ITGAX: variants seen among roughly 807,000 people sequenced by gnomAD.
ITGAX encodes integrin subunit alpha X.
In ITGAX, 99 loss-of-function variants were observed where a neutral mutation model predicts 140.2. The ratio of observed to expected loss-of-function variants is 0.71; its 90% CI spans 0.60 to 0.83. The LOEUF is 0.83. ITGAX is among the 40% of genes least tolerant of loss of function. ITGAX has a pLI of 0.00. For missense variants in ITGAX, 1,444 were observed against 1,482.0 expected (o/e 0.97, Z 0.42); for synonymous variants, 631 against 600.4 (o/e 1.05, Z -0.75).
At chr16:31,361,452 G>A (rs758151587) in intron 9 of ITGAX, 335 of 669,098 alleles carry the variant, frequency 5.0e-4, no homozygotes, top group Admixed American at 1.9e-3. Flanking sequence ...CACCACCACC[G>A]GCTCCACTGC....
At position 31,362,950 on chromosome 16, in the gene ITGAX, G is replaced by A. The variant is rs773888623; in HGVS notation, c.1375G>A (p.Gly459Arg). ...VTGTQIGSYF[G>R]ASLCSVDVDS... ...TGCCCTTCAGATCGGCTCCTACTTC[G>A]GGGCCTCCCTCTGCTCCGTGGACGT... Residue 459 changes from glycine to arginine, a missense_variant, in exon 13 of 30, where the codon GGG becomes AGG. Coordinates refer to ENST00000268296, the MANE Select transcript of ITGAX (RefSeq NM_000887.5). The A allele has an allele frequency of 1.2e-5, 20 of 1,611,612 alleles. No individual in the cohort carries two copies. Among genetic ancestry groups the A allele is most frequent in the Admixed American group, 5.0e-5 (3 of 59,920 alleles).
At chr16:31,362,588 G>A in intron 11 of ITGAX, 23 bp from the exon 12 acceptor site, 2 of 1,603,830 alleles carry the variant, frequency 1.2e-6, no homozygotes, top group Middle Eastern at 2.2e-4. Flanking sequence ...GGGGGCCTTT[G>A]TGCTGAGGCC....
At chr16:31,377,337 T>G in intron 23 of ITGAX, 72 bp downstream of exon 23, 2 of 1,125,132 alleles carry the variant, frequency 1.8e-6, no homozygotes, top group Non-Finnish European at 2.6e-6. Context: ...AAAAAAGGCC[T>G]TGAAACGCTG....
chr16:31,363,013 G>A lies in ITGAX; in HGVS notation c.1438G>A (p.Ala480Thr). Residue 480 changes from alanine to threonine, a missense_variant, in exon 13 of 30, where the codon GCC becomes ACC. Physicochemically the swap from Ala to Thr is moderately conservative, Grantham distance 58. Coordinates refer to ENST00000268296, the MANE Select transcript of ITGAX (RefSeq NM_000887.5). Reference protein sequence around the residue: ...DGSTDLVLIGAPHYYEQTRGG... With the variant: ...DGSTDLVLIGTPHYYEQTRGG... ...CAGCACCGACCTGGTCCTCATCGGG[G>A]CCCCCCATTACTACGAGCAGACCCG... 2.0e-6 allele frequency: 3 copies of A among 1,527,158 alleles called. No individual in the cohort carries two copies. Among genetic ancestry groups the A allele is most frequent in the Non-Finnish European group, 2.7e-6 (3 of 1,129,008 alleles). 94.6% of individuals were successfully genotyped at this position (1,527,158 alleles called of 1,614,324 possible).
intron 1 of ITGAX, among the ~76,000 whole-genome samples, chr16:31,355,534 A>G (rs1270279908): frequency 6.6e-6 from 1 of 152,248 alleles, no homozygotes; most frequent in Non-Finnish European, 1.5e-5. Context: ...TCTGTACTGC[A>G]GAGATTTTTA....
chr16:31,360,327 C>T lies in ITGAX; in HGVS notation c.725C>T (p.Ala242Val), dbSNP rs2142487206. Reference protein sequence around the residue: ...IQNVVHRLFHASYGARRDAAK... With the variant: ...IQNVVHRLFHVSYGARRDAAK... ...CCTGATAGGCACCGATTGTTCCATG[C>T]CTCATATGGGGCCCGTAGGGATGCC... Residue 242 changes from alanine (A) to valine (V), a missense_variant, in exon 8 of 30, where the codon GCC becomes GTC. Transcript: ENST00000268296. 1 of 1,610,824 alleles carries T rather than the reference C, an allele frequency of 6.2e-7. No homozygotes were observed. Among genetic ancestry groups the T allele is most frequent in the Non-Finnish European group, 8.5e-7 (1 of 1,177,718 alleles).
At chr16:31,365,821 G>A (rs1451677926) in intron 14 of ITGAX, among the ~76,000 whole-genome samples, 1 of 152,248 alleles carries the variant, frequency 6.6e-6, no homozygotes, top group South Asian at 2.1e-4. Flanking sequence ...TACTTGGGAG[G>A]CTGAGGCAGG....
chr16:31,359,962 A>T lies in ITGAX; in HGVS notation c.604A>T (p.Thr202Ser), dbSNP rs1251490773. Residue 202 changes from threonine to serine, a missense_variant, in exon 7 of 30, where the codon ACT becomes TCT. Thr to Ser is a moderately conservative substitution (Grantham distance 58). Coordinates refer to ENST00000268296, the MANE Select transcript of ITGAX (RefSeq NM_000887.5). ...QFSNKFQTHF[T>S]FEEFRRSSNP... The stretch of plus-strand genomic sequence containing the variant: ...CTCCAACAAATTCCAAACACACTTC[A>T]CTTTCGAGGAATTCAGGCGCAGCTC... The T allele has an allele frequency of 3.7e-6, 6 of 1,613,870 alleles. No individual in the cohort carries two copies. The highest frequency in any genetic ancestry group is 5.1e-6 in the Non-Finnish European group (6 of 1,180,004).
At chr16:31,361,644 C>T (rs1004854520) in intron 9 of ITGAX, 192 bp from the exon 10 acceptor site, 6 of 747,102 alleles carry the variant, frequency 8.0e-6, no homozygotes, top group East Asian at 2.5e-5. Flanking sequence ...GTGCTGCCAT[C>T]GCTGTCCACA....
At position 31,357,369 on chromosome 16, in the gene ITGAX, G is replaced by A. The variant is rs754161938; in HGVS notation, c.430+5G>A. 2 of 1,582,856 alleles carry A rather than the reference G, an allele frequency of 1.3e-6. No homozygotes were observed. Among genetic ancestry groups the A allele is most frequent in the Non-Finnish European group, 1.7e-6 (2 of 1,162,108 alleles). ...GGCTCCCGGTGTCCAGGCAGGGTGA[G>A]TGTCGGGACCACCAAGGCTTTGAGG... is the stretch of plus-strand genomic sequence containing the variant. On this transcript the variant is annotated splice_donor_5th_base_variant and intron_variant, in intron 5 of 29. Transcript: ENST00000268296.
intron 5 of ITGAX, among the ~76,000 whole-genome samples, chr16:31,359,040 G>T (rs917572306): frequency 2.0e-5 from 3 of 151,928 alleles, no homozygotes; most frequent in East Asian, 1.9e-4. Flanking sequence ...GGCTGATCTT[G>T]AAATCCTGGG....
In ITGAX at chr16:31,357,304, G is replaced by C; in HGVS notation, c.370G>C (p.Gly124Arg). The C allele has an allele frequency of 1.9e-6, 3 of 1,608,878 alleles. No homozygotes were observed. The East Asian group carries it at 6.7e-5, about 36-fold the overall frequency. Residue 124 changes from glycine to arginine, a missense_variant, in exon 5 of 30, where the codon GGA becomes CGA. Physicochemically the swap from Gly to Arg is moderately radical, Grantham distance 125. Coordinates refer to ENST00000268296, the MANE Select transcript of ITGAX (RefSeq NM_000887.5). ...GTGCGGGAGGAACATGTACCTCACC[G>C]GACTCTGCTTCCTCCTGGGCCCCAC... ...HECGRNMYLT[G>R]LCFLLGPTQL... is the part of the protein sequence containing the mutation.
chr16:31,369,064 C>A (rs925874546), intron 14 of ITGAX, among the ~76,000 whole-genome samples: 8 of 152,232 alleles, frequency 5.3e-5, no homozygotes, highest in African/African-American at 1.7e-4. Flanking sequence ...ACCTTTCCCC[C>A]CTTTCGATTC....
In ITGAX at chr16:31,379,943, G is replaced by A. The variant is rs954485957; in HGVS notation, c.2977-39G>A. On this transcript the variant is annotated intron_variant, in intron 25 of 29. Coordinates refer to ENST00000268296, the MANE Select transcript of ITGAX (RefSeq NM_000887.5). Reference sequence around the variant, plus strand: ...CTTGTGCCCCATGTGGGTCCCTGATGTCCCAGCTGAGACACTTGTTCTCTG... The same window carrying A: ...CTTGTGCCCCATGTGGGTCCCTGATATCCCAGCTGAGACACTTGTTCTCTG... 8 of 1,610,302 alleles carry A rather than the reference G, an allele frequency of 5.0e-6. No homozygotes were observed. The African/African-American group carries it at 6.7e-5, about 13-fold the overall frequency.
chr16:31,382,646 C>A lies in ITGAX; in HGVS notation c.*739C>A, dbSNP rs2081080276. 1.6e-6 allele frequency: 1 copy of A among 632,242 alleles called. No homozygotes were observed. Among genetic ancestry groups the A allele is most frequent in the South Asian group, 1.7e-5 (1 of 59,106 alleles). The allele number at this position is 632,242 out of a possible 1,614,324, so 39.2% of individuals were successfully genotyped here. A position where few individuals can be genotyped will look rare whatever the true frequency, so the allele number is the denominator to read the frequency against. ...GCTCAGGGCTTCATCGTGGGGCTCT[C>A]AGTTCCGATTTCCCAGGCTGAATTG... On this transcript the variant is annotated 3_prime_UTR_variant, in exon 30 of 30. Transcript: ENST00000268296.
chr16:31,356,292 T>TC, intron 2 of ITGAX: 1 of 429,666 alleles, frequency 2.3e-6, no homozygotes, highest in Non-Finnish European at 4.2e-6. Flanking sequence ...TTTCTTTTTT[T>TC]CTATACATTT....
chr16:31,363,493 C>T (rs941607862), intron 14 of ITGAX, 119 bp downstream of exon 14: 11 of 1,156,246 alleles, frequency 9.5e-6, no homozygotes, highest in African/African-American at 4.6e-5. Context: ...GCTCTGAGCA[C>T]CTTGTAGCAG....
In ITGAX at chr16:31,372,612, A is replaced by G; in HGVS notation, c.2308A>G (p.Asn770Asp). The G allele has an allele frequency of 6.2e-7, 1 of 1,614,116 alleles. No individual in the cohort carries two copies. The highest frequency in any genetic ancestry group is 8.5e-7 in the Non-Finnish European group (1 of 1,179,992). Residue 770 changes from asparagine to aspartate, a missense_variant, in exon 19 of 30, where the codon AAC becomes GAC. By Grantham distance (23) the Asn-to-Asp change is conservative (BLOSUM62 1). Transcript: ENST00000268296. ...TCCCACGCAGCTACCCTTTGAGAAGAACTGTGGAGCCGACCATATCTGCCA... is the reference window on the plus strand; with the variant it reads ...TCCCACGCAGCTACCCTTTGAGAAGGACTGTGGAGCCGACCATATCTGCCA... ...YFTASLPFEK[N>D]CGADHICQDN... is the part of the protein sequence containing the mutation.
chr16:31,369,084 G>A (rs1022916917), intron 14 of ITGAX, among the ~76,000 whole-genome samples: 6 of 151,938 alleles, frequency 3.9e-5, no homozygotes, highest in African/African-American at 1.5e-4. Context: ...CCACAAAACC[G>A]CCATTGTCAT....
Sources: allele counts gnomAD v4.1 joint callset (sites outside exome capture counted in the v4.1 genomes callset), GRCh38; gene constraint gnomAD v4.1.1; transcripts MANE v1.5; gene names NCBI Gene and HGNC (gene_info 2026-07-23, HGNC 2026-07-21).